Variants in SEMA6D observed in about 807,000 individuals in gnomAD.
The protein encoded by SEMA6D is semaphorin-6D.
Under a neutral mutation model 106.6 loss-of-function variants are expected in SEMA6D, and 35 were observed. The observed-to-expected ratio is 0.33, with a 90% CI of 0.25 to 0.44. The LOEUF (loss-of-function observed/expected upper bound fraction) is 0.44, where lower values mean the gene tolerates loss of function less well. SEMA6D is among the 20% of genes least tolerant of loss of function. The pLI, the probability that SEMA6D is intolerant of heterozygous loss-of-function variation, is 1.00. For missense variants in SEMA6D, 1,185 were observed against 1,345.9 expected, an observed-to-expected ratio of 0.88 and a Z score of 1.87; for synonymous variants, 499 against 487.7, an observed-to-expected ratio of 1.02 and a Z score of -0.31.
chr15:47,367,713 CACACACACACACACAGAG>C (rs2039107741), intron 1 of SEMA6D, among the ~76,000 whole-genome samples: 2 of 145,468 alleles, frequency 1.4e-5, no homozygotes, highest in African/African-American at 5.5e-5. Flanking sequence ...CACACACACA[CACACACACACACACAGAG>C]AGAGAGAAAG....
chr15:47,452,826 T>G lies in SEMA6D; in HGVS notation c.-158-17648T>G, dbSNP rs149609135. 2.5e-3 allele frequency among the ~76,000 whole-genome samples: 376 copies of G among 152,100 alleles called. 2 individuals are homozygous for G. Among genetic ancestry groups the G allele is most frequent in the African/African-American group, 8.7e-3 (360 of 41,552 alleles). ...AATTTGGTCTTCTTAATAACAGATA[T>G]TTCAATTTCTGTTCAGTAATTTATT... On this transcript the variant is annotated intron_variant, in intron 2 of 19. Coordinates refer to the SEMA6D transcript ENST00000558014.
chr15:47,458,057 C>G (rs952333952), intron 2 of SEMA6D, among the ~76,000 whole-genome samples: 29 of 151,944 alleles, frequency 1.9e-4, no homozygotes, highest in African/African-American at 7.0e-4. Context: ...CAAAATATCT[C>G]TCAAAACCAA....
intron 2 of SEMA6D, among the ~76,000 whole-genome samples, chr15:47,469,342 G>A (rs1261136419): frequency 4.2e-5 from 5 of 119,188 alleles, no homozygotes; most frequent in South Asian, 5.3e-4. Context: ...ACGCATGTGC[G>A]TGTGTGTGTG....
intron 2 of SEMA6D, among the ~76,000 whole-genome samples, chr15:47,465,474 T>C (rs1387514807): frequency 6.6e-6 from 1 of 152,318 alleles, no homozygotes; most frequent in South Asian, 2.1e-4. Flanking sequence ...TCTGACTTTA[T>C]GTTCTAAACG....
At chr15:47,504,782 A>G (rs898055551) in intron 3 of SEMA6D, among the ~76,000 whole-genome samples, 2 of 152,126 alleles carry the variant, frequency 1.3e-5, no homozygotes, top group African/African-American at 4.8e-5. Flanking sequence ...GCCTGGAACA[A>G]AAGAGGAAGA....
intron 4 of SEMA6D, among the ~76,000 whole-genome samples, chr15:47,711,427 G>A (rs2079022198): frequency 6.6e-6 from 1 of 151,916 alleles, no homozygotes; most frequent in Admixed American, 6.6e-5. Context: ...AGTACACTTC[G>A]TGGAACCAAA....
intron 3 of SEMA6D, chr15:47,581,408 T>G (rs4774498): frequency 2.0e-6 from 1 of 488,926 alleles, no homozygotes. Flanking sequence ...TGGGAAGTAG[T>G]TTGAGAAAAG....
intron 2 of SEMA6D, among the ~76,000 whole-genome samples, chr15:47,469,299 G>GGTGTGTGT (rs71299525): frequency 0.025 from 3,763 of 149,404 alleles, 126 homozygotes; most frequent in African/African-American, 0.077. Context: ...GTTGCTTTAA[G>GGTGTGTGT]GTGTGTGTGT....
At position 47,407,874 on chromosome 15, in the gene SEMA6D, G is replaced by T. The variant is rs538453805; in HGVS notation, c.-238-4519G>T. Among the ~76,000 whole-genome samples the T allele has an allele frequency of 2.6e-4, 40 of 152,220 alleles. No individual in the cohort carries two copies. In the South Asian group the frequency reaches 7.7e-3, roughly 29 times the overall value. ...TGCTGTCAGTTTGCATCATCCTTTC[G>T]CAGGGGGATGGCGCCCTCACCCCTT... On this transcript the variant is annotated intron_variant, in intron 1 of 19. Transcript: ENST00000558014.
At chr15:47,404,561 C>T (rs1039330122) in intron 1 of SEMA6D, among the ~76,000 whole-genome samples, 7 of 152,128 alleles carry the variant, frequency 4.6e-5, no homozygotes, top group Admixed American at 3.9e-4. Flanking sequence ...TGATTGGACC[C>T]TAACATTGTA....
intron 2 of SEMA6D, among the ~76,000 whole-genome samples, chr15:47,442,969 C>A (rs2041926215): frequency 6.6e-6 from 1 of 152,090 alleles, no homozygotes; most frequent in Non-Finnish European, 1.5e-5. Context: ...TAGTATTCTC[C>A]AGAACCCAAA....
At chr15:47,691,941 A>G (rs2078595823) in intron 4 of SEMA6D, among the ~76,000 whole-genome samples, 1 of 152,168 alleles carries the variant, frequency 6.6e-6, no homozygotes, top group Non-Finnish European at 1.5e-5. Context: ...GTAGAAGAAA[A>G]CTTCATTCAA....
intron 2 of SEMA6D, among the ~76,000 whole-genome samples, chr15:47,459,010 G>C (rs1199194769): frequency 6.6e-6 from 1 of 152,002 alleles, no homozygotes; most frequent in Non-Finnish European, 1.5e-5. Flanking sequence ...AATGGGACCT[G>C]TGACTTGCTT....
At chr15:47,387,845 G>A (rs1390184572) in intron 1 of SEMA6D, among the ~76,000 whole-genome samples, 1 of 152,180 alleles carries the variant, frequency 6.6e-6, no homozygotes, top group Non-Finnish European at 1.5e-5. Flanking sequence ...TTCTTCATCT[G>A]TAACCTGTGC....
chr15:47,744,701 T>TGCC (rs774549602), intron 1 of SEMA6D, among the ~76,000 whole-genome samples: 15 of 152,196 alleles, frequency 9.9e-5, no homozygotes, highest in Non-Finnish European at 1.6e-4. Flanking sequence ...CCATTTGTGG[T>TGCC]TCAGCGTCAC....
intron 3 of SEMA6D, among the ~76,000 whole-genome samples, chr15:47,552,092 T>G (rs1489485658): frequency 6.6e-6 from 1 of 152,002 alleles, no homozygotes; most frequent in Non-Finnish European, 1.5e-5. Context: ...TGTACAATAG[T>G]GAAATACTAG....
chr15:47,644,286 G>A (rs1056235806), intron 4 of SEMA6D, among the ~76,000 whole-genome samples: 17 of 152,326 alleles, frequency 1.1e-4, no homozygotes, highest in African/African-American at 2.6e-4. Flanking sequence ...GTATACAGAT[G>A]TTAAGTGCAT....
chr15:47,486,807 A>T (rs1343402859), intron 3 of SEMA6D, among the ~76,000 whole-genome samples: 1 of 152,228 alleles, frequency 6.6e-6, no homozygotes. Flanking sequence ...TTGACTACAG[A>T]TGTAATGCAT....
At position 47,505,972 on chromosome 15, in the gene SEMA6D, G is replaced by T. The variant is rs934392019; in HGVS notation, c.-87+35427G>T. On this transcript the variant is annotated intron_variant, in intron 3 of 19. Transcript: ENST00000558014. ...CAGTCTGAAGGTGTGGAGAAGTCAG[G>T]GGGTGGAGGTGGTAATAATGCATTG... Among the ~76,000 whole-genome samples, 10 of 151,636 alleles carry T rather than the reference G, an allele frequency of 6.6e-5. No homozygotes were observed. In the East Asian group the frequency reaches 1.5e-3, roughly 23 times the overall value.
Sources: allele counts gnomAD v4.1 joint callset (sites outside exome capture counted in the v4.1 genomes callset), GRCh38; gene constraint gnomAD v4.1.1; transcripts MANE v1.5; gene names NCBI Gene and HGNC (gene_info 2026-07-23, HGNC 2026-07-21).